The following ETV4 variants were observed in gnomAD, a reference collection of about 807,000 sequenced individuals.
The protein encoded by ETV4 is ETS variant transcription factor 4.
In ETV4, 42 loss-of-function variants were observed where a neutral mutation model predicts 65.9. The ratio of observed to expected loss-of-function variants is 0.64; its 90% confidence interval spans 0.50 to 0.82. The LOEUF (loss-of-function observed/expected upper bound fraction) is 0.82, where lower values mean the gene tolerates loss of function less well. Among genes scored for constraint, ETV4 ranks in the 40% least tolerant of loss-of-function variants. ETV4 has a pLI of 0.00. For missense variants in ETV4, 583 were observed against 630.3 expected, an observed-to-expected ratio of 0.92 and a Z score of 0.80; for synonymous variants, 238 against 260.0, an observed-to-expected ratio of 0.92 and a Z score of 0.81.
chr17:43,534,511 A>C (rs1456243700), intron 5 of ETV4, among the ~76,000 whole-genome samples: 1 of 152,072 alleles, frequency 6.6e-6, no homozygotes, highest in Non-Finnish European at 1.5e-5. Flanking sequence ...AACAAAAAAC[A>C]AAAACATTTA....
At chr17:43,533,408 C>A in intron 6 of ETV4, 60 bp from the exon 7 acceptor site, 1 of 1,504,816 alleles carries the variant, frequency 6.6e-7, no homozygotes, top group Non-Finnish European at 9.1e-7. Context: ...ATCTTTGAAC[C>A]CTTCATTCCT....
intron 5 of ETV4, among the ~76,000 whole-genome samples, chr17:43,535,557 G>A (rs1281248180): frequency 8.5e-5 from 13 of 152,190 alleles, no homozygotes; most frequent in African/African-American, 3.1e-4. Context: ...GATTACAGGC[G>A]TGAGCCACCA....
intron 4 of ETV4, among the ~76,000 whole-genome samples, chr17:43,541,535 G>A (rs1971522725): frequency 6.6e-6 from 1 of 151,958 alleles, no homozygotes; most frequent in African/African-American, 2.4e-5. Flanking sequence ...CAAAAAGGGG[G>A]GTTAGTAAAA....
At chr17:43,535,030 G>T (rs753096798) in intron 5 of ETV4, among the ~76,000 whole-genome samples, 40 of 152,302 alleles carry the variant, frequency 2.6e-4, no homozygotes, top group Admixed American at 4.6e-4. Context: ...TTATACACAT[G>T]CTCCTACTTA....
chr17:43,533,997 G>A lies in ETV4; in HGVS notation c.257-12C>T, dbSNP rs1479582225. On this transcript the variant is annotated splice_polypyrimidine_tract_variant and intron_variant, in intron 5 of 12. Coordinates refer to ENST00000319349, the MANE Select transcript of ETV4 (RefSeq NM_001079675.5). ...GCTGTGGAAAGCTACTGTGGGGGTGGAGGGGACAGAGCAAGGCCAGAGCCT... is the reference window on the plus strand; with the variant it reads ...GCTGTGGAAAGCTACTGTGGGGGTGAAGGGGACAGAGCAAGGCCAGAGCCT... 7.2e-6 allele frequency: 11 copies of A among 1,520,648 alleles called. No individual in the cohort carries two copies. Among genetic ancestry groups the A allele is most frequent in the Non-Finnish European group, 7.8e-6 (9 of 1,147,594 alleles). 94.2% of individuals were successfully genotyped at this position (1,520,648 alleles called of 1,614,324 possible).
At chr17:43,545,701 T>G in intron 1 of ETV4, 33 bp from the exon 2 acceptor site, 1 of 1,083,548 alleles carries the variant, frequency 9.2e-7, no homozygotes, top group Non-Finnish European at 1.3e-6. Context: ...TCGCACACCG[T>G]CCAGGGAGGG....
At chr17:43,539,719 C>T (rs904411207) in intron 4 of ETV4, among the ~76,000 whole-genome samples, 2 of 152,182 alleles carry the variant, frequency 1.3e-5, no homozygotes, top group African/African-American at 4.8e-5. Context: ...CTAGCCCTTC[C>T]CTGCAGGCTC....
At chr17:43,538,212 C>G (rs1293166852) in intron 4 of ETV4, among the ~76,000 whole-genome samples, 2 of 151,390 alleles carry the variant, frequency 1.3e-5, no homozygotes, top group African/African-American at 4.9e-5. Flanking sequence ...GAGGCTGAGA[C>G]AGGAGAATAA....
chr17:43,544,969 ACTCACCTTCAGC>A lies in ETV4; in HGVS notation c.196_202+5del, dbSNP rs761323071. 7 of 1,613,494 alleles carry A rather than the reference ACTCACCTTCAGC, an allele frequency of 4.3e-6. No individual in the cohort carries two copies. In the South Asian group the frequency reaches 7.7e-5, roughly 18 times the overall value. ...CCAAAATAGAAAAGGTCACAAAACTACTCACCTTCAGCGAGCCACGTCTCCTGGAAGTGACTT... is the reference window on the plus strand; with the variant it reads ...CCAAAATAGAAAAGGTCACAAAACTAGAGCCACGTCTCCTGGAAGTGACTT... On this transcript the variant is annotated splice_donor_variant and splice_donor_5th_base_variant and coding_sequence_variant and intron_variant, in exon 4 of 13. Coordinates refer to ENST00000319349, the MANE Select transcript of ETV4 (RefSeq NM_001079675.5). LOFTEE classifies it high-confidence loss of function.
At chr17:43,529,995 C>T (rs1218918982) in intron 9 of ETV4, 43 bp from the exon 10 acceptor site, 1 of 1,612,856 alleles carries the variant, frequency 6.2e-7, no homozygotes, top group East Asian at 2.2e-5. Flanking sequence ...GGGGGTTCAC[C>T]GATGAGACCC....
chr17:43,545,081 C>CCCT, intron 3 of ETV4, 59 bp from the exon 4 acceptor site: 1 of 1,557,018 alleles, frequency 6.4e-7, no homozygotes, highest in Non-Finnish European at 8.9e-7. Flanking sequence ...AGAGAAGGGG[C>CCCT]CCTAGCAAGA....
chr17:43,541,444 G>A (rs975396383), intron 4 of ETV4, among the ~76,000 whole-genome samples: 4 of 152,112 alleles, frequency 2.6e-5, no homozygotes, highest in African/African-American at 9.7e-5. Flanking sequence ...GGACGAGGCA[G>A]ATGATTAAGG....
In ETV4 at chr17:43,534,781, A is replaced by C. The variant is rs181898505; in HGVS notation, c.257-796T>G. 2.5e-3 allele frequency among the ~76,000 whole-genome samples: 378 copies of C among 152,164 alleles called. 2 individuals are homozygous for C. The highest frequency in any genetic ancestry group is 8.9e-3 in the African/African-American group (370 of 41,514). On this transcript the variant is annotated intron_variant, in intron 5 of 12. Coordinates refer to ENST00000319349, the MANE Select transcript of ETV4 (RefSeq NM_001079675.5). ...ATAGAGAAACCCCATCTCTACTAAA[A>C]TACAAAAAAATTAGCCGGGCGTGGT... is the stretch of plus-strand genomic sequence containing the variant.
chr17:43,531,140 G>A (rs1358182749), intron 8 of ETV4, among the ~76,000 whole-genome samples: 1 of 152,192 alleles, frequency 6.6e-6, no homozygotes, highest in Non-Finnish European at 1.5e-5. Flanking sequence ...AGCCTGGGGG[G>A]TTGTGGTTCA....
chr17:43,543,894 AG>A (rs1971657333), intron 4 of ETV4: 2 of 152,180 alleles, frequency 1.3e-5, no homozygotes, highest in African/African-American at 4.8e-5. Flanking sequence ...TCTCACTCCA[AG>A]GATCTAGTCA....
intron 8 of ETV4, among the ~76,000 whole-genome samples, chr17:43,530,904 C>T (rs1970894260): frequency 6.6e-6 from 1 of 152,098 alleles, no homozygotes; most frequent in Non-Finnish European, 1.5e-5. Flanking sequence ...AGGGTGGGCT[C>T]ATTCATGCCT....
At chr17:43,533,437 G>T (rs1369503131) in intron 6 of ETV4, 89 bp from the exon 7 acceptor site, 2 of 1,277,454 alleles carry the variant, frequency 1.6e-6, no homozygotes, top group Non-Finnish European at 2.2e-6. Flanking sequence ...GAGGTCACAG[G>T]GATTACAGGA....
intron 4 of ETV4, 59 bp downstream of exon 4, chr17:43,544,916 G>A: frequency 6.7e-7 from 1 of 1,493,998 alleles, no homozygotes; most frequent in Non-Finnish European, 9.3e-7. Flanking sequence ...AATACCAGGG[G>A]CTACGGAGTG....
chr17:43,535,961 A>G (rs139821914), intron 5 of ETV4, among the ~76,000 whole-genome samples: 6 of 152,278 alleles, frequency 3.9e-5, no homozygotes, highest in Non-Finnish European at 8.8e-5. Flanking sequence ...AAATACAAAA[A>G]TTAGCTGGGT....
Sources: gnomAD v4.1 joint callset for allele counts (sites outside exome capture counted in the v4.1 genomes callset) on GRCh38, gnomAD v4.1.1 for gene constraint, MANE v1.5 for transcripts, NCBI Gene and HGNC (gene_info 2026-07-23, HGNC 2026-07-21) for gene names.